The following ASB2 variants were observed in gnomAD, a reference collection of about 807,000 sequenced individuals.
ASB2 encodes ankyrin repeat and SOCS box protein 2.
In ASB2, 58 loss-of-function variants were observed where a neutral mutation model predicts 62.4. The ratio of observed to expected loss-of-function variants is 0.93; its 90% confidence interval spans 0.75 to 1.16. The LOEUF (loss-of-function observed/expected upper bound fraction) is 1.16, where lower values mean the gene tolerates loss of function less well. ASB2 is among the 50% of genes most tolerant of loss of function. The pLI, the probability that ASB2 is intolerant of heterozygous loss-of-function variation, is 0.00. For synonymous variants in ASB2, 386 were observed against 385.3 expected, an observed-to-expected ratio of 1.00 and a Z score of -0.02; for missense variants, 928 against 887.9, an observed-to-expected ratio of 1.05 and a Z score of -0.57.
At chr14:93,946,361 G>A (rs1449569263) in intron 7 of ASB2, among the ~76,000 whole-genome samples, 2 of 152,210 alleles carry the variant, frequency 1.3e-5, no homozygotes, top group African/African-American at 4.8e-5. Flanking sequence ...AGGGCAGCTG[G>A]AGCTTCACCT....
intron 5 of ASB2, among the ~76,000 whole-genome samples, chr14:93,953,104 G>T (rs980620735): frequency 6.6e-6 from 1 of 152,236 alleles, no homozygotes; most frequent in Non-Finnish European, 1.5e-5. Context: ...AGGGCTGGGA[G>T]GGTGCACAGG....
intron 1 of ASB2, among the ~76,000 whole-genome samples, chr14:93,965,348 G>A (rs1889555331): frequency 6.6e-6 from 1 of 152,252 alleles, no homozygotes; most frequent in Non-Finnish European, 1.5e-5. Flanking sequence ...CAGTTACCAA[G>A]AGCATAGATC....
chr14:93,938,373 G>C (rs950537149), intron 8 of ASB2, among the ~76,000 whole-genome samples: 13 of 151,422 alleles, frequency 8.6e-5, no homozygotes, highest in Non-Finnish European at 1.2e-4. Context: ...CCGAGCACCT[G>C]GGACTACAGG....
chr14:93,958,275 C>A (rs995582111), intron 2 of ASB2, among the ~76,000 whole-genome samples: 3 of 152,228 alleles, frequency 2.0e-5, no homozygotes, highest in Non-Finnish European at 4.4e-5. Flanking sequence ...CATCCATCAA[C>A]CGTAGATGGG....
At chr14:93,942,783 C>T (rs901334466) in intron 7 of ASB2, among the ~76,000 whole-genome samples, 5 of 152,166 alleles carry the variant, frequency 3.3e-5, no homozygotes, top group African/African-American at 1.2e-4. Flanking sequence ...ACTGGGCCAG[C>T]GCAAGCATGT....
chr14:93,966,551 T>C (rs1186401137), intron 1 of ASB2, among the ~76,000 whole-genome samples: 1 of 152,216 alleles, frequency 6.6e-6, no homozygotes, highest in Non-Finnish European at 1.5e-5. Flanking sequence ...GACAGGTTGA[T>C]ACAATGAGTT....
rs1350982840 is a variant in ASB2 at position 93,934,170 on chromosome 14, A to ATG, written c.*484_*485dup. 1 of 454,138 alleles carries ATG rather than the reference A, an allele frequency of 2.2e-6. No individual in the cohort carries two copies. The allele number at this position is 454,138 out of a possible 1,614,324, so 28.1% of individuals were successfully genotyped here. A position where few individuals can be genotyped will look rare whatever the true frequency, so the allele number is the denominator to read the frequency against. ...AGGGACTTCACTGGGCAGGTGTCAC[A>ATG]TGTGTAACATTTATTATATTAATAC... On this transcript the variant is annotated 3_prime_UTR_variant, in exon 10 of 10. Transcript: ENST00000555019.
Position 93,951,107 on chromosome 14 carries a change from C to A in ASB2, c.772G>T (p.Val258Leu), listed in dbSNP as rs771106036. ...GATTCCACCTTGGCTCCTCCGCTCA[C>A]CAGGATCTGCATGACCTCCAGGTCA... is the stretch of plus-strand genomic sequence containing the variant. ...RNDLEVMQIL[V>L]SGGAKVESKN... The change falls in exon 6 of 10, where the codon GTG becomes TTG. Residue 258 changes from valine (V) to leucine (L), a missense_variant. Val to Leu is a conservative substitution (Grantham distance 32, BLOSUM62 1). Coordinates refer to ENST00000555019, the MANE Select transcript of ASB2 (RefSeq NM_001202429.2). 2.1e-5 allele frequency: 34 copies of A among 1,614,228 alleles called. 1 individual carries two copies. In the South Asian group the frequency reaches 3.5e-4, roughly 17 times the overall value.
chr14:93,947,273 G>T, intron 7 of ASB2, 76 bp downstream of exon 7: 1 of 1,514,866 alleles, frequency 6.6e-7, no homozygotes, highest in Non-Finnish European at 9.1e-7. Flanking sequence ...TTCAGGGCAG[G>T]CCCACCCCTC....
chr14:93,972,111 A>T (rs1239049813), intron 1 of ASB2, among the ~76,000 whole-genome samples: 1 of 151,254 alleles, frequency 6.6e-6, no homozygotes, highest in East Asian at 1.9e-4. Context: ...AAAAGCTTCA[A>T]GGTCTCCCAA....
chr14:93,939,844 A>G (rs1888450597), intron 7 of ASB2, 172 bp from the exon 8 acceptor site: 2 of 508,146 alleles, frequency 3.9e-6, no homozygotes, highest in African/African-American at 2.0e-5. Context: ...TTCTCACCCC[A>G]CTGGGCAGGG....
chr14:93,948,690 TG>T (rs1888834426), intron 6 of ASB2, among the ~76,000 whole-genome samples: 1 of 151,310 alleles, frequency 6.6e-6, no homozygotes, highest in Non-Finnish European at 1.5e-5. Context: ...CCCAGCACTT[TG>T]GGAGGCCAAG....
Position 93,935,647 on chromosome 14 carries a change from A to T in ASB2, c.1772-855T>A, listed in dbSNP as rs936289713. ...CTAAGCAGGGAAAACAGCAAGTGGC[A>T]AGGCAAGGAAGTCATGCAAGCCTGG... is the stretch of plus-strand genomic sequence containing the variant. On this transcript the variant is annotated intron_variant, in intron 9 of 9. Transcript: ENST00000555019. Among the ~76,000 whole-genome samples the T allele has an allele frequency of 2.0e-5, 3 of 152,190 alleles. No homozygotes were observed. In the South Asian group the frequency reaches 6.2e-4, roughly 31 times the overall value.
chr14:93,959,989 C>T (rs1372792474), intron 2 of ASB2, among the ~76,000 whole-genome samples: 1 of 113,950 alleles, frequency 8.8e-6, no homozygotes. Context: ...GTCTACCCCA[C>T]GCCCACCCCA....
chr14:93,953,270 T>C, intron 5 of ASB2, 82 bp downstream of exon 5: 1 of 1,314,794 alleles, frequency 7.6e-7, no homozygotes, highest in Non-Finnish European at 1.0e-6. Context: ...GGTTATGCAC[T>C]TAACGGGAGC....
intron 2 of ASB2, chr14:93,957,361 C>A: frequency 9.8e-7 from 1 of 1,023,826 alleles, no homozygotes; most frequent in South Asian, 3.8e-5. Flanking sequence ...CCCCCCACGC[C>A]CACCTGCCAG....
rs574787594 is a variant in ASB2 at position 93,957,002 on chromosome 14, C to T, written c.207-132G>A. The T allele has an allele frequency of 1.7e-4, 266 of 1,544,206 alleles. No individual in the cohort carries two copies. In the African/African-American group the frequency reaches 3.3e-3, roughly 19 times the overall value. ...TGACTGACAGACACAGGGCTCTGAA[C>T]CAAAGCAGATGGCCGGGTCCTCTGT... On this transcript the variant is annotated intron_variant, in intron 2 of 9. Coordinates refer to ENST00000555019, the MANE Select transcript of ASB2 (RefSeq NM_001202429.2).
chr14:93,937,829 G>A lies in ASB2; in HGVS notation c.1640C>T (p.Pro547Leu), dbSNP rs1031585530. ...VVQFCEFVSA[P>L]EVSRWAGPII... is the part of the protein sequence containing the mutation. ...GGGCCCCGCCCAGCGGCTCACCTCT[G>A]GGGCAGATACGAACTCACAGAACTG... is the stretch of plus-strand genomic sequence containing the variant. Residue 547 changes from proline (P) to leucine (L), a missense_variant, in exon 9 of 10, where the codon CCA (proline) becomes CTA (leucine). Pro to Leu is a moderately conservative substitution (Grantham distance 98). Coordinates refer to ENST00000555019, the MANE Select transcript of ASB2 (RefSeq NM_001202429.2). The A allele has an allele frequency of 3.1e-6, 5 of 1,602,860 alleles. No individual in the cohort carries two copies. Among genetic ancestry groups the A allele is most frequent in the East Asian group, 2.2e-5 (1 of 44,486 alleles).
chr14:93,958,362 G>C (rs1236892991), intron 2 of ASB2, among the ~76,000 whole-genome samples: 1 of 152,182 alleles, frequency 6.6e-6, no homozygotes, highest in African/African-American at 2.4e-5. Context: ...GCATGACAGC[G>C]AGTGGAGCAG....
Sources: allele counts gnomAD v4.1 joint callset (sites outside exome capture counted in the v4.1 genomes callset), GRCh38; gene constraint gnomAD v4.1.1; transcripts MANE v1.5; gene names NCBI Gene and HGNC (gene_info 2026-07-23, HGNC 2026-07-21).